DLG2: variants seen among roughly 807,000 people sequenced by gnomAD.
The protein encoded by DLG2 is discs large MAGUK scaffold protein 2.
A neutral mutation model predicts 132.5 loss-of-function variants in DLG2; 45 were observed. The observed-to-expected ratio is 0.34, with a 90% CI of 0.27 to 0.44. The LOEUF (loss-of-function observed/expected upper bound fraction) is 0.44. DLG2 is among the 20% of genes least tolerant of loss of function. The pLI is 1.00. For synonymous variants in DLG2, 424 were observed against 419.6 expected (o/e 1.01, Z -0.13); for missense variants, 1,045 against 1,196.9 (o/e 0.87, Z 1.87).
At chr11:84,870,896 A>C (rs2085365351) in intron 6 of DLG2, among the ~76,000 whole-genome samples, 1 of 152,178 alleles carries the variant, frequency 6.6e-6, no homozygotes, top group Middle Eastern at 3.2e-3. Flanking sequence ...AACAAACAAA[A>C]ACGAAGTGAA....
intron 4 of DLG2, among the ~76,000 whole-genome samples, chr11:85,161,574 G>A (rs1206048726): frequency 6.6e-6 from 1 of 152,192 alleles, no homozygotes; most frequent in African/African-American, 2.4e-5. Flanking sequence ...TAATTCTTCT[G>A]CCAAGACTAC....
chr11:84,283,717 T>G (rs2097878421), intron 7 of DLG2, among the ~76,000 whole-genome samples: 1 of 152,052 alleles, frequency 6.6e-6, no homozygotes, highest in Non-Finnish European at 1.5e-5. Context: ...ATTTTCTTCC[T>G]CCTCCACTAA....
chr11:83,882,241 C>A (rs2066477593), intron 15 of DLG2, among the ~76,000 whole-genome samples: 1 of 151,968 alleles, frequency 6.6e-6, no homozygotes, highest in South Asian at 2.1e-4. Flanking sequence ...GTTGAAAATT[C>A]CAGAAAAAAT....
At chr11:83,799,074 T>C (rs12278023) in intron 17 of DLG2, among the ~76,000 whole-genome samples, 68,360 of 152,152 alleles carry the variant, frequency 0.45, 15,489 homozygotes, top group Middle Eastern at 0.61. Flanking sequence ...CATTTGTTAC[T>C]GAACAAGGTG....
At chr11:85,129,863 A>G (rs1487791378) in intron 5 of DLG2, among the ~76,000 whole-genome samples, 1 of 152,234 alleles carries the variant, frequency 6.6e-6, no homozygotes, top group Non-Finnish European at 1.5e-5. Flanking sequence ...GCACCATAGA[A>G]TACTATGCAG....
chr11:83,820,030 A>G (rs2050314501), intron 17 of DLG2, among the ~76,000 whole-genome samples: 1 of 152,192 alleles, frequency 6.6e-6, no homozygotes, highest in South Asian at 2.1e-4. Context: ...TTAAAAAGCT[A>G]TCATTATGAT....
At chr11:84,740,183 A>C (rs551908533) in intron 6 of DLG2, among the ~76,000 whole-genome samples, 273 of 152,140 alleles carry the variant, frequency 1.8e-3, no homozygotes, top group Non-Finnish European at 2.9e-3. Flanking sequence ...GCTGCAGTAC[A>C]GCAGGGGAAT....
At chr11:83,834,467 G>A (rs2154004116) in intron 16 of DLG2, among the ~76,000 whole-genome samples, 1 of 152,246 alleles carries the variant, frequency 6.6e-6, no homozygotes, top group Middle Eastern at 3.4e-3. Flanking sequence ...GGGAGAAGCA[G>A]TAGGTCCAGA....
chr11:83,700,841 C>T (rs899092273), intron 18 of DLG2, among the ~76,000 whole-genome samples: 1 of 151,940 alleles, frequency 6.6e-6, no homozygotes, highest in African/African-American at 2.4e-5. Flanking sequence ...TAATCAGATA[C>T]AAAGGTAGGA....
chr11:84,945,459 G>A (rs2050077218), intron 6 of DLG2, among the ~76,000 whole-genome samples: 1 of 152,162 alleles, frequency 6.6e-6, no homozygotes. Flanking sequence ...ATGGAGGGAT[G>A]ACAAAAACAA....
chr11:85,318,659 T>A (rs993104832), intron 3 of DLG2, among the ~76,000 whole-genome samples: 2 of 151,626 alleles, frequency 1.3e-5, no homozygotes, highest in African/African-American at 4.8e-5. Context: ...AAGGAGGAAT[T>A]AGGGAGGAAA....
At chr11:84,569,163 A>G (rs2099470302) in intron 6 of DLG2, among the ~76,000 whole-genome samples, 1 of 152,202 alleles carries the variant, frequency 6.6e-6, no homozygotes, top group South Asian at 2.1e-4. Flanking sequence ...AGTCAACAGG[A>G]AAACTCACAA....
At chr11:84,428,314 G>GCTGGCC (rs1209795286) in intron 7 of DLG2, among the ~76,000 whole-genome samples, 1 of 152,146 alleles carries the variant, frequency 6.6e-6, no homozygotes, top group Non-Finnish European at 1.5e-5. Context: ...GTGTTGATAG[G>GCTGGCC]CTGGCCTTGG....
At chr11:84,635,310 C>T (rs918698416) in intron 6 of DLG2, among the ~76,000 whole-genome samples, 11 of 152,226 alleles carry the variant, frequency 7.2e-5, no homozygotes, top group African/African-American at 2.6e-4. Flanking sequence ...ACCCACCCTT[C>T]CTTGGGGCCA....
At chr11:84,852,175 A>C (rs2082242499) in intron 6 of DLG2, among the ~76,000 whole-genome samples, 1 of 151,996 alleles carries the variant, frequency 6.6e-6, no homozygotes, top group African/African-American at 2.4e-5. Flanking sequence ...AATCTCCTCC[A>C]TAGCAATCAG....
At chr11:83,575,582 A>C (rs1433159319) in intron 19 of DLG2, among the ~76,000 whole-genome samples, 2 of 152,214 alleles carry the variant, frequency 1.3e-5, no homozygotes, top group Non-Finnish European at 1.5e-5. Context: ...TTGAAGGATG[A>C]GTAGGATCAA....
At chr11:84,453,444 A>G (rs1241418660) in intron 7 of DLG2, among the ~76,000 whole-genome samples, 2 of 151,622 alleles carry the variant, frequency 1.3e-5, no homozygotes, top group Admixed American at 6.6e-5. Flanking sequence ...TAGTAAGGCT[A>G]GAAGAGAAAT....
At chr11:83,935,533 A>G (rs1015720815) in intron 14 of DLG2, among the ~76,000 whole-genome samples, 6 of 152,186 alleles carry the variant, frequency 3.9e-5, no homozygotes, top group African/African-American at 1.4e-4. Context: ...TACAGGCCTT[A>G]AAGTATGATA....
intron 19 of DLG2, among the ~76,000 whole-genome samples, chr11:83,592,443 T>C (rs2097204430): frequency 6.7e-6 from 1 of 149,860 alleles, no homozygotes; most frequent in South Asian, 2.1e-4. Flanking sequence ...TAGCCATATG[T>C]AGAAAGCTGA....
Sources: allele counts gnomAD v4.1 joint callset (sites outside exome capture counted in the v4.1 genomes callset), GRCh38; gene constraint gnomAD v4.1.1; transcripts MANE v1.5; gene names NCBI Gene and HGNC (gene_info 2026-07-23, HGNC 2026-07-21).